The following HOXA3 variants were observed in gnomAD, a reference collection of about 807,000 sequenced individuals.
The protein encoded by HOXA3 is homeobox protein Hox-A3.
A neutral mutation model predicts 30.3 loss-of-function variants in HOXA3; 8 were observed. That is an observed-to-expected ratio of 0.26 (90% CI 0.15 to 0.48). The LOEUF (loss-of-function observed/expected upper bound fraction) is 0.48, where lower values mean the gene tolerates loss of function less well. HOXA3 is among the 20% of genes least tolerant of loss of function. The pLI is 0.99. For synonymous variants in HOXA3, 323 were observed against 273.1 expected (o/e 1.18, Z -1.80); for missense variants, 653 against 614.4 (o/e 1.06, Z -0.66).
intron 1 of HOXA3, among the ~76,000 whole-genome samples, chr7:27,149,760 T>A (rs1055147244): frequency 4.6e-5 from 7 of 152,254 alleles, no homozygotes; most frequent in Admixed American, 2.0e-4. Flanking sequence ...AAAGGGACTT[T>A]TAAAAATAGC....
chr7:27,130,452 C>T lies in HOXA3; in HGVS notation c.-389-3382G>A. 2.5e-6 allele frequency: 3 copies of T among 1,222,598 alleles called. No individual in the cohort carries two copies. In the South Asian group the frequency reaches 1.0e-4, roughly 41 times the overall value. The allele number at this position is 1,222,598 out of a possible 1,614,324, so 75.7% of individuals were successfully genotyped here. ...CATAGGGGTAGGCGGTGTCCGCGGC[C>T]CCATGCGCGGGGTACAGCGCGGCAG... On this transcript the variant is annotated intron_variant, in intron 2 of 5. Coordinates refer to ENST00000612286, the MANE Select transcript of HOXA3 (RefSeq NM_153631.3).
intron 1 of HOXA3, chr7:27,145,527 G>C: frequency 9.3e-7 from 1 of 1,078,850 alleles, no homozygotes; most frequent in Non-Finnish European, 1.3e-6. Context: ...CGCTTGCAAA[G>C]CTCCGGGCTC....
chr7:27,110,540 G>T lies in HOXA3; in HGVS notation c.101C>A (p.Pro34Gln), dbSNP rs1448611789. The T allele has an allele frequency of 6.2e-7, 1 of 1,606,574 alleles. No individual in the cohort carries two copies. Among genetic ancestry groups the T allele is most frequent in the Non-Finnish European group, 8.5e-7 (1 of 1,174,924 alleles). ...FAYNANQQPY[P>Q]ASAALGADGE... ...GTCGGCGCCCAAAGCGGCGGACGCC[G>T]GGTACGGCTGCTGATTGGCATTATA... is the stretch of plus-strand genomic sequence containing the variant. The change falls in exon 5 of 6, where the codon CCG (proline) becomes CAG (glutamine). Residue 34 changes from proline to glutamine, a missense_variant. This residue lies in a region of HOXA3 where 320 missense variants were observed against 321.9 expected (regional missense o/e 0.99). Transcript: ENST00000612286.
intron 2 of HOXA3, chr7:27,130,945 C>T (rs1215689888): frequency 1.7e-6 from 1 of 595,808 alleles, no homozygotes; most frequent in South Asian, 1.8e-5. Flanking sequence ...CGCCCCGCCC[C>T]GTGCCCCACG....
rs766164161 is a variant in HOXA3, at chr7:27,107,977, G to T, written c.1270C>A (p.Leu424Ile). The change falls in exon 6 of 6, where the codon CTT (leucine) becomes ATT (isoleucine). Residue 424 changes from leucine (L) to isoleucine (I), a missense_variant. This residue lies in a region of HOXA3 where 330 missense variants were observed against 274.4 expected (regional missense o/e 1.20). Transcript: ENST00000612286. ...PGEPHPTYTDLTGHHPSQGRI... is the reference protein window; with the variant it reads ...PGEPHPTYTDITGHHPSQGRI... The stretch of plus-strand genomic sequence containing the variant: ...CCCTGAGAAGGATGGTGGCCGGTAA[G>T]GTCCGTGTAGGTGGGGTGCGGCTCC... 2 of 1,607,984 alleles carry T rather than the reference G, an allele frequency of 1.2e-6. No homozygotes were observed. The highest frequency in any genetic ancestry group is 3.4e-5 in the Admixed American group (2 of 59,452).
chr7:27,110,177 ATTTG>A lies in HOXA3; in HGVS notation c.460_463del (p.Gln154SerfsTer5). The A allele has an allele frequency of 6.2e-7, 1 of 1,613,290 alleles. No homozygotes were observed. The highest frequency in any genetic ancestry group is 8.5e-7 in the Non-Finnish European group (1 of 1,179,748). On this transcript the variant is annotated frameshift_variant, in exon 5 of 6. Transcript: ENST00000612286. LOFTEE classifies it high-confidence loss of function. ...TCGAGACTCTTTCATCCAGGGGAAG[ATTTG>A]TTTGGCCACTGTGGGTGAGTTGAGC... is the stretch of plus-strand genomic sequence containing the variant.
At chr7:27,109,954 A>G (rs780770950) in intron 5 of HOXA3, 161 bp downstream of exon 5, 15 of 808,020 alleles carry the variant, frequency 1.9e-5, no homozygotes, top group Non-Finnish European at 2.9e-5. Context: ...TCACCTCCCT[A>G]AGTTGCAAAG....
intron 1 of HOXA3, chr7:27,142,215 C>T: frequency 1.1e-6 from 1 of 917,866 alleles, no homozygotes; most frequent in Non-Finnish European, 1.6e-6. Context: ...AGCCCGCACA[C>T]CCCTCCCGAA....
intron 2 of HOXA3, among the ~76,000 whole-genome samples, chr7:27,136,091 A>G (rs1202200911): frequency 6.6e-6 from 1 of 152,170 alleles, no homozygotes; most frequent in Non-Finnish European, 1.5e-5. Context: ...TTGACATCAA[A>G]CTCTGTCTGG....
chr7:27,114,854 T>C (rs536536955), intron 4 of HOXA3, among the ~76,000 whole-genome samples: 1 of 102,596 alleles, frequency 9.7e-6, no homozygotes, highest in African/African-American at 3.3e-5. Flanking sequence ...TAATATATAT[T>C]ATATATATAA....
chr7:27,114,062 C>CG (rs1184130313), intron 4 of HOXA3: 1 of 68,912 alleles, frequency 1.5e-5, no homozygotes, highest in African/African-American at 5.3e-5. Context: ...GGTGTTGGGG[C>CG]GGGCGGGAGG....
intron 2 of HOXA3, among the ~76,000 whole-genome samples, chr7:27,132,082 G>A (rs1647940864): frequency 6.6e-6 from 1 of 152,162 alleles, no homozygotes; most frequent in Non-Finnish European, 1.5e-5. Flanking sequence ...TTTGTGCTGT[G>A]TGCTTTCTCC....
intron 1 of HOXA3, chr7:27,147,730 TTCACAAAATAGGAAC>T: frequency 6.2e-7 from 1 of 1,609,428 alleles, no homozygotes; most frequent in Non-Finnish European, 8.5e-7. Flanking sequence ...GAAAGTGGGA[TTCACAAAATAGGAAC>T]TCATTTGCGC....
intron 2 of HOXA3, chr7:27,129,716 C>A (rs1785438470): frequency 2.3e-6 from 2 of 888,324 alleles, no homozygotes; most frequent in African/African-American, 3.3e-5. Context: ...ACGCAAGATA[C>A]ATAAAACGGC....
chr7:27,121,185 C>A (rs1179275661), intron 4 of HOXA3: 1 of 151,670 alleles, frequency 6.6e-6, no homozygotes, highest in Non-Finnish European at 1.5e-5. Context: ...ATTTTCTACT[C>A]AGCATCAGGT....
intron 1 of HOXA3, chr7:27,140,419 AG>A (rs1442993028): frequency 1.3e-5 from 2 of 152,190 alleles, no homozygotes; most frequent in African/African-American, 4.8e-5. Context: ...GGGCTTATAA[AG>A]TTTACTGTTT....
intron 2 of HOXA3, among the ~76,000 whole-genome samples, chr7:27,131,407 C>T (rs1241172074): frequency 2.0e-5 from 3 of 152,226 alleles, no homozygotes; most frequent in Non-Finnish European, 4.4e-5. Context: ...CTTTGAGAAG[C>T]TTGGCAGAAG....
At chr7:27,124,136 T>C (rs999240052) in intron 3 of HOXA3, 1 of 152,252 alleles carries the variant, frequency 6.6e-6, no homozygotes, top group Non-Finnish European at 1.5e-5. Context: ...CTGTACCCCA[T>C]AAATCGTTCA....
At chr7:27,127,944 G>A (rs1562721179) in intron 2 of HOXA3, among the ~76,000 whole-genome samples, 1 of 152,140 alleles carries the variant, frequency 6.6e-6, no homozygotes, top group Non-Finnish European at 1.5e-5. Flanking sequence ...AAACAAACAA[G>A]CAAACAAACA....
Sources: allele counts gnomAD v4.1 joint callset (sites outside exome capture counted in the v4.1 genomes callset), GRCh38; gene constraint gnomAD v4.1.1; regional missense constraint gnomAD v4.1.1; transcripts MANE v1.5; gene names NCBI Gene and HGNC (gene_info 2026-07-23, HGNC 2026-07-21).